CADPS2: variants seen among roughly 807,000 people sequenced by gnomAD.
The protein encoded by CADPS2 is calcium dependent secretion activator 2.
A neutral mutation model predicts 172.5 loss-of-function variants in CADPS2; 93 were observed. The observed-to-expected ratio is 0.54, with a 90% CI of 0.46 to 0.64. The LOEUF (loss-of-function observed/expected upper bound fraction) is 0.64, where lower values mean the gene tolerates loss of function less well. Ranked by LOEUF, CADPS2 falls within the 30% of genes least tolerant of loss-of-function variation. CADPS2 has a pLI of 0.00. For synonymous variants in CADPS2, 546 were observed against 555.2 expected, an observed-to-expected ratio of 0.98 and a Z score of 0.23; for missense variants, 1,420 against 1,565.9, an observed-to-expected ratio of 0.91 and a Z score of 1.57.
At position 122,379,436 on chromosome 7, in the gene CADPS2, A is replaced by G. The variant is rs1212774006; in HGVS notation, c.3319T>C (p.Tyr1107His). Residue 1107 changes from tyrosine (Y) to histidine (H), a missense_variant, in exon 25 of 30, where the codon TAC (tyrosine) becomes CAC (histidine). Tyr to His is a moderately conservative substitution (Grantham distance 83). Coordinates refer to ENST00000449022, the MANE Select transcript of CADPS2 (RefSeq NM_017954.11). ...CALDGGQEQQ[Y>H]HSKIDDLIDN... Reference sequence around the variant, plus strand: ...ATCAGATCATCTATTTTTGAATGGTACTGTTGCTAGATATTAAAAGATAAA... The same window carrying G: ...ATCAGATCATCTATTTTTGAATGGTGCTGTTGCTAGATATTAAAAGATAAA... The G allele has an allele frequency of 1.3e-6, 2 of 1,599,134 alleles. No homozygotes were observed. The highest frequency in any genetic ancestry group is 1.7e-6 in the Non-Finnish European group (2 of 1,168,900).
rs147347293 is a variant in CADPS2 at position 122,494,857 on chromosome 7, TGAAA to T, written c.1543-3441_1543-3438del. Among the ~76,000 whole-genome samples, 978 of 151,914 alleles carry T rather than the reference TGAAA, an allele frequency of 6.4e-3. 9 individuals are homozygous for T. Among genetic ancestry groups the T allele is most frequent in the Middle Eastern group, 0.027 (8 of 294 alleles). On this transcript the variant is annotated intron_variant, in intron 9 of 29. Coordinates refer to ENST00000449022, the MANE Select transcript of CADPS2 (RefSeq NM_017954.11). ...CTTGCATATGTCTAAGGTTTACAAA[TGAAA>T]GTCAGTTGCTCCCATAAGGGTTTTT...
intron 2 of CADPS2, among the ~76,000 whole-genome samples, chr7:122,700,225 T>TA (rs774755812): frequency 1.3e-5 from 2 of 152,180 alleles, no homozygotes; most frequent in East Asian, 1.9e-4. Flanking sequence ...CTGGTCTACA[T>TA]ACGTAAAGTG....
chr7:122,581,739 CT>C (rs1192660198), intron 6 of CADPS2, among the ~76,000 whole-genome samples: 1 of 151,966 alleles, frequency 6.6e-6, no homozygotes, highest in Non-Finnish European at 1.5e-5. Flanking sequence ...TAAACATTAT[CT>C]TTTTTTAAAG....
chr7:122,591,932 G>T (rs1432727624), intron 6 of CADPS2, among the ~76,000 whole-genome samples: 1 of 152,082 alleles, frequency 6.6e-6, no homozygotes, highest in Non-Finnish European at 1.5e-5. Flanking sequence ...CATGGACAAG[G>T]ACTTCATGTC....
intron 1 of CADPS2, among the ~76,000 whole-genome samples, chr7:122,787,939 A>C (rs1399396512): frequency 6.6e-6 from 1 of 152,194 alleles, no homozygotes; most frequent in Non-Finnish European, 1.5e-5. Context: ...CAGTATTTAC[A>C]TGGTCCAACT....
intron 1 of CADPS2, among the ~76,000 whole-genome samples, chr7:122,839,315 C>A (rs1809625850): frequency 6.6e-6 from 1 of 152,064 alleles, no homozygotes; most frequent in Non-Finnish European, 1.5e-5. Flanking sequence ...AGACCTAAAA[C>A]CATAAAAACC....
At chr7:122,489,646 C>T (rs1459026045) in intron 11 of CADPS2, among the ~76,000 whole-genome samples, 1 of 152,022 alleles carries the variant, frequency 6.6e-6, no homozygotes, top group African/African-American at 2.4e-5. Flanking sequence ...AAAAAATAGA[C>T]CTATTATCCT....
intron 1 of CADPS2, among the ~76,000 whole-genome samples, chr7:122,836,826 A>T (rs567277503): frequency 2.0e-5 from 3 of 152,250 alleles, no homozygotes; most frequent in Admixed American, 6.5e-5. Context: ...CACAATAATA[A>T]TGGGAGACTT....
Position 122,320,334 on chromosome 7 carries a change from G to A in CADPS2, c.3722C>T (p.Thr1241Ile). 6.3e-7 allele frequency: 1 copy of A among 1,590,814 alleles called. No individual in the cohort carries two copies. Among genetic ancestry groups the A allele is most frequent in the Non-Finnish European group, 8.6e-7 (1 of 1,168,584 alleles). Residue 1241 changes from threonine (T) to isoleucine (I), a missense_variant, in exon 30 of 30, where the codon ACC (threonine) becomes ATC (isoleucine). Transcript: ENST00000449022. Reference protein sequence around the residue: ...LKTLIKIVKKTYRDFRLQGVL... With the variant: ...LKTLIKIVKKIYRDFRLQGVL... The stretch of plus-strand genomic sequence containing the variant: ...ACCCTGCAATCGAAAGTCCCTGTAG[G>A]TTTTCTGAAGAAAGAAGATAAAATT...
At position 122,399,773 on chromosome 7, in the gene CADPS2, G is replaced by A. The variant is rs533052671; in HGVS notation, c.2747-6191C>T. On this transcript the variant is annotated intron_variant, in intron 20 of 29. Coordinates refer to ENST00000449022, the MANE Select transcript of CADPS2 (RefSeq NM_017954.11). The stretch of plus-strand genomic sequence containing the variant: ...GCGATCTCGGCTCACTGCAAGCTCC[G>A]CCTCCCGGGTTCACGCCATTCTCCT... Among the ~76,000 whole-genome samples the A allele has an allele frequency of 2.3e-4, 31 of 133,110 alleles. No individual in the cohort carries two copies. The East Asian group carries it at 6.0e-3, about 26-fold the overall frequency. The allele number at this position is 133,110 out of a possible 152,430, so 87.3% of individuals were successfully genotyped here.
At chr7:122,638,731 T>C (rs533236646) in intron 3 of CADPS2, among the ~76,000 whole-genome samples, 13 of 152,304 alleles carry the variant, frequency 8.5e-5, no homozygotes, top group Admixed American at 7.2e-4. Context: ...CCCTGAGGAC[T>C]CTTACTCACT....
At chr7:122,476,120 AT>A (rs952544691) in intron 12 of CADPS2, among the ~76,000 whole-genome samples, 1 of 152,124 alleles carries the variant, frequency 6.6e-6, no homozygotes, top group African/African-American at 2.4e-5. Context: ...ATTCTTTTGT[AT>A]TTTAAAAGAT....
At chr7:122,742,638 C>T (rs1307464245) in intron 1 of CADPS2, among the ~76,000 whole-genome samples, 2 of 152,122 alleles carry the variant, frequency 1.3e-5, no homozygotes, top group Non-Finnish European at 2.9e-5. Context: ...CAAATTAACT[C>T]TTCTTGGCAG....
chr7:122,388,825 T>C, intron 22 of CADPS2, 87 bp from the exon 23 acceptor site: 3 of 1,202,290 alleles, frequency 2.5e-6, no homozygotes. Flanking sequence ...TCTGCATCAA[T>C]TGCCATCAGT....
intron 1 of CADPS2, among the ~76,000 whole-genome samples, chr7:122,808,033 T>C (rs1042432570): frequency 2.0e-5 from 3 of 152,194 alleles, no homozygotes; most frequent in Non-Finnish European, 4.4e-5. Flanking sequence ...CCTTCCAACA[T>C]ATTCTGAAGC....
At chr7:122,871,128 TCAAA>T (rs1216842385) in intron 1 of CADPS2, among the ~76,000 whole-genome samples, 2 of 150,416 alleles carry the variant, frequency 1.3e-5, no homozygotes, top group East Asian at 2.0e-4. Flanking sequence ...AATGGAAAAG[TCAAA>T]CAAAGGAAGA....
chr7:122,515,547 A>C (rs2060295414), intron 8 of CADPS2, among the ~76,000 whole-genome samples: 1 of 152,134 alleles, frequency 6.6e-6, no homozygotes, highest in Non-Finnish European at 1.5e-5. Context: ...GCTTGGAGCC[A>C]CAGAGAGCAT....
At chr7:122,650,794 C>A (rs1040595129) in intron 3 of CADPS2, among the ~76,000 whole-genome samples, 3 of 152,066 alleles carry the variant, frequency 2.0e-5, no homozygotes, top group Admixed American at 2.0e-4. Context: ...TTTTTGAGAG[C>A]GGAAACTTAA....
Position 122,393,317 on chromosome 7 carries a change from T to C in CADPS2, c.2889-2A>G. On this transcript the variant is annotated splice_acceptor_variant, in intron 21 of 29. Coordinates refer to ENST00000449022, the MANE Select transcript of CADPS2 (RefSeq NM_017954.11). LOFTEE classifies it high-confidence loss of function. ...TTGGGAAGACTGTTGGCGATATTCC[T>C]GTAAAGAAACAAACAACGTGGGAAG... 1 of 1,613,838 alleles carries C rather than the reference T, an allele frequency of 6.2e-7. No homozygotes were observed. Among genetic ancestry groups the C allele is most frequent in the Non-Finnish European group, 8.5e-7 (1 of 1,179,792 alleles).
Sources: gnomAD v4.1 joint callset for allele counts (sites outside exome capture counted in the v4.1 genomes callset) on GRCh38, gnomAD v4.1.1 for gene constraint, MANE v1.5 for transcripts, NCBI Gene and HGNC (gene_info 2026-07-23, HGNC 2026-07-21) for gene names.